KIF1B: variants seen among roughly 807,000 people sequenced by gnomAD.
The protein encoded by KIF1B is kinesin family member 1B.
Under a neutral mutation model 241.9 loss-of-function variants are expected in KIF1B, and 76 were observed. The ratio of observed to expected loss-of-function variants is 0.31; its 90% CI spans 0.26 to 0.38. The LOEUF (loss-of-function observed/expected upper bound fraction) is 0.38. KIF1B is among the 10% of genes least tolerant of loss of function. KIF1B has a pLI of 1.00. For missense variants in KIF1B, 1,622 were observed against 2,271.4 expected, an observed-to-expected ratio of 0.71 and a Z score of 5.81; for synonymous variants, 750 against 796.7, an observed-to-expected ratio of 0.94 and a Z score of 0.99.
At chr1:10,362,150 T>C (rs2102346054) in intron 40 of KIF1B, among the ~76,000 whole-genome samples, 1 of 152,348 alleles carries the variant, frequency 6.6e-6, no homozygotes. Context: ...TTAAGATTTG[T>C]TATGCATATT....
At chr1:10,367,252 C>T (rs1638601540) in intron 43 of KIF1B, among the ~76,000 whole-genome samples, 4 of 151,206 alleles carry the variant, frequency 2.6e-5, no homozygotes, top group Admixed American at 2.0e-4. Context: ...TGTGCCACCA[C>T]ACCTGGCTAA....
At chr1:10,316,821 C>T (rs1268706673) in intron 22 of KIF1B, among the ~76,000 whole-genome samples, 4 of 151,572 alleles carry the variant, frequency 2.6e-5, no homozygotes, top group Non-Finnish European at 4.4e-5. Context: ...TATTTATTAT[C>T]CTTTCTTGAT....
chr1:10,372,754 C>T (rs566100390), intron 45 of KIF1B, among the ~76,000 whole-genome samples: 59 of 147,770 alleles, frequency 4.0e-4, no homozygotes, highest in Admixed American at 1.5e-3. Flanking sequence ...TTCAGCCTCC[C>T]GAGTAGCTGG....
intron 1 of KIF1B, among the ~76,000 whole-genome samples, chr1:10,220,912 C>G (rs1646836879): frequency 6.6e-6 from 1 of 151,402 alleles, no homozygotes; most frequent in African/African-American, 2.4e-5. Flanking sequence ...ATCCACCCAC[C>G]TTGGCCTCCC....
chr1:10,251,997 T>C (rs1377730462), intron 2 of KIF1B, among the ~76,000 whole-genome samples: 1 of 152,116 alleles, frequency 6.6e-6, no homozygotes, highest in African/African-American at 2.4e-5. Context: ...ATCTTTTAGA[T>C]CTTTTAGAAA....
intron 23 of KIF1B, 54 bp downstream of exon 23, chr1:10,320,190 T>A: frequency 8.3e-7 from 1 of 1,210,448 alleles, no homozygotes; most frequent in Admixed American, 1.7e-5. Context: ...AGTTATATTA[T>A]CAAATTAGTC....
In KIF1B at chr1:10,232,334, G is replaced by A. The variant is rs1646993926; in HGVS notation, c.6G>A (p.Ser2=). 6.2e-6 allele frequency: 10 copies of A among 1,610,534 alleles called. No homozygotes were observed. Among genetic ancestry groups the A allele is most frequent in the African/African-American group, 1.3e-5 (1 of 74,754 alleles). M[S]GASVKVAVRV... is the part of the protein sequence containing the mutation. ...TATATAACAAGGCCATTAAAATGTC[G>A]GGAGCCTCAGTGAAGGTGGCTGTCC... The change falls in exon 2 of 49, where the codon TCG becomes TCA. Residue 2 remains serine, a synonymous_variant. Transcript: ENST00000676179.
intron 22 of KIF1B, chr1:10,305,169 A>G (rs1650765070): frequency 9.5e-7 from 1 of 1,047,226 alleles, no homozygotes; most frequent in South Asian, 4.5e-5. Flanking sequence ...AAATATGATT[A>G]GAATTTTCGT....
At chr1:10,292,619 C>T (rs1450453146) in intron 17 of KIF1B, among the ~76,000 whole-genome samples, 2 of 152,224 alleles carry the variant, frequency 1.3e-5, no homozygotes, top group Non-Finnish European at 2.9e-5. Context: ...TGTCCCTATC[C>T]TTCTAGACTC....
intron 22 of KIF1B, among the ~76,000 whole-genome samples, chr1:10,314,581 G>A (rs1267836049): frequency 1.3e-5 from 2 of 151,180 alleles, no homozygotes; most frequent in South Asian, 2.1e-4. Context: ...CACTAAGTCC[G>A]GCTAATTTTT....
At chr1:10,366,544 C>T (rs1160147486) in intron 43 of KIF1B, among the ~76,000 whole-genome samples, 1 of 152,128 alleles carries the variant, frequency 6.6e-6, no homozygotes, top group Non-Finnish European at 1.5e-5. Context: ...TGGTGTCCTG[C>T]ATGATCAGTC....
chr1:10,258,424 A>C, intron 3 of KIF1B, 69 bp from the exon 4 acceptor site: 1 of 1,498,340 alleles, frequency 6.7e-7, no homozygotes, highest in Non-Finnish European at 9.2e-7. Context: ...TTTATTATGG[A>C]AGCAATCAAG....
chr1:10,342,106 A>G lies in KIF1B; in HGVS notation c.3570A>G (p.Val1190=). Reference sequence around the variant, plus strand: ...ATTACATCAAAACCAAGCCTATTGTATTTGAAGTCTTTGGGCATTATCAGC... The same window carrying G: ...ATTACATCAAAACCAAGCCTATTGTGTTTGAAGTCTTTGGGCATTATCAGC... ...FVDYIKTKPI[V]FEVFGHYQQH... is the part of the protein sequence containing the mutation. The change falls in exon 33 of 49, where the codon GTA becomes GTG. Residue 1190 remains valine, a synonymous_variant. Coordinates refer to ENST00000676179, the MANE Select transcript of KIF1B (RefSeq NM_001365951.3). The G allele has an allele frequency of 1.2e-6, 2 of 1,614,006 alleles. No homozygotes were observed. The highest frequency in any genetic ancestry group is 2.2e-5 in the East Asian group (1 of 44,884).
chr1:10,281,295 T>C (rs1335514378), intron 14 of KIF1B, among the ~76,000 whole-genome samples: 1 of 152,098 alleles, frequency 6.6e-6, no homozygotes, highest in Non-Finnish European at 1.5e-5. Context: ...GCACCAATAC[T>C]TAAGATTTAC....
intron 22 of KIF1B, among the ~76,000 whole-genome samples, chr1:10,312,190 C>T (rs1001458181): frequency 6.6e-6 from 1 of 151,530 alleles, no homozygotes; most frequent in Non-Finnish European, 1.5e-5. Flanking sequence ...ATCATTTGAA[C>T]TGGAGCAGCT....
In KIF1B at chr1:10,374,339, C is replaced by T. The variant is rs758879647; in HGVS notation, c.4970C>T (p.Ala1657Val). ...AGGACCCCAGAAGCCAATTCCCGGGCCTCTAGTCCCTGCCCAGAATTTGAA... is the reference window on the plus strand; with the variant it reads ...AGGACCCCAGAAGCCAATTCCCGGGTCTCTAGTCCCTGCCCAGAATTTGAA... ...DQKTPEANSR[A>V]SSPCPEFEQF... Residue 1657 changes from alanine to valine, a missense_variant, in exon 46 of 49, where the codon GCC becomes GTC. This residue lies in a region of KIF1B where 357 missense variants were observed against 409.0 expected (regional missense o/e 0.87). Transcript: ENST00000676179. The surrounding 1 kb of genome is among the most constrained non-coding windows in gnomAD (Gnocchi z 4.3). The T allele has an allele frequency of 3.1e-6, 5 of 1,613,992 alleles. No individual in the cohort carries two copies. In the East Asian group the frequency reaches 6.7e-5, roughly 22 times the overall value.
intron 1 of KIF1B, among the ~76,000 whole-genome samples, chr1:10,221,956 C>T (rs1048743013): frequency 6.6e-6 from 1 of 152,158 alleles, no homozygotes; most frequent in African/African-American, 2.4e-5. Flanking sequence ...GCTGGGACTA[C>T]AGGCATGTGC....
chr1:10,306,067 T>TA (rs1650815142), intron 22 of KIF1B: 1 of 1,044,654 alleles, frequency 9.6e-7, no homozygotes, highest in South Asian at 4.6e-5. Context: ...CTATGCTTTA[T>TA]TAGAACACAT....
chr1:10,263,954 G>A lies in KIF1B; in HGVS notation c.429+1984G>A, dbSNP rs140676213. On this transcript the variant is annotated intron_variant, in intron 5 of 48. Coordinates refer to ENST00000676179, the MANE Select transcript of KIF1B (RefSeq NM_001365951.3). Reference sequence around the variant, plus strand: ...ATACCAGAAACATTCCTGCTTCAAGGCCTCTACATTTACTTCTCCTCTTGC... The same window carrying A: ...ATACCAGAAACATTCCTGCTTCAAGACCTCTACATTTACTTCTCCTCTTGC... 6.6e-5 allele frequency among the ~76,000 whole-genome samples: 10 copies of A among 152,138 alleles called. No homozygotes were observed. The East Asian group carries it at 1.9e-3, about 29-fold the overall frequency.
Sources: allele counts gnomAD v4.1 joint callset (sites outside exome capture counted in the v4.1 genomes callset), GRCh38; gene constraint gnomAD v4.1.1; regional missense constraint gnomAD v4.1.1; non-coding constraint Gnocchi (gnomAD v3.1); transcripts MANE v1.5; gene names NCBI Gene and HGNC (gene_info 2026-07-23, HGNC 2026-07-21).